The following CSMD3 variants were observed in gnomAD, a reference collection of about 807,000 sequenced individuals.
CSMD3 encodes CUB and sushi domain-containing protein 3.
A neutral mutation model predicts 435.2 loss-of-function variants in CSMD3; 177 were observed. The observed-to-expected ratio is 0.41, with a 90% confidence interval of 0.36 to 0.46. CSMD3 has a LOEUF of 0.46. CSMD3 is among the 20% of genes least tolerant of loss of function. CSMD3 has a pLI of 0.34. For missense variants in CSMD3, 4,265 were observed against 4,504.6 expected (o/e 0.95, Z 1.52); for synonymous variants, 1,656 against 1,520.5 (o/e 1.09, Z -2.07).
chr8:112,798,975 A>G lies in CSMD3; in HGVS notation c.1972+1187T>C, dbSNP rs533599311. Among the ~76,000 whole-genome samples, 11 of 151,988 alleles carry G rather than the reference A, an allele frequency of 7.2e-5. No homozygotes were observed. The South Asian group carries it at 2.1e-3, about 29-fold the overall frequency. On this transcript the variant is annotated intron_variant, in intron 13 of 70. Coordinates refer to ENST00000297405, the MANE Select transcript of CSMD3 (RefSeq NM_198123.2). ...ATTTCCAAGTAACAAATGTGCACACAGACCCCCTGCATGTAAAATACAAGT... is the reference window on the plus strand; with the variant it reads ...ATTTCCAAGTAACAAATGTGCACACGGACCCCCTGCATGTAAAATACAAGT...
At chr8:112,625,095 C>T (rs750288669) in intron 22 of CSMD3, among the ~76,000 whole-genome samples, 2 of 151,870 alleles carry the variant, frequency 1.3e-5, no homozygotes, top group African/African-American at 4.8e-5. Flanking sequence ...TGAAATTTTA[C>T]CTGAGAAACA....
chr8:112,893,055 T>A (rs1173065500), intron 10 of CSMD3, among the ~76,000 whole-genome samples: 1 of 151,106 alleles, frequency 6.6e-6, no homozygotes, highest in African/African-American at 2.4e-5. Context: ...CTGCTGCTGC[T>A]ACTACTACTA....
intron 40 of CSMD3, among the ~76,000 whole-genome samples, chr8:112,349,502 T>C (rs1298919494): frequency 6.6e-6 from 1 of 152,126 alleles, no homozygotes; most frequent in African/African-American, 2.4e-5. Context: ...TGTGCTTTCA[T>C]ATTAGCAGAA....
intron 42 of CSMD3, among the ~76,000 whole-genome samples, chr8:112,341,127 T>C (rs147786933): frequency 1.4e-3 from 211 of 152,230 alleles, no homozygotes; most frequent in Admixed American, 3.5e-3. Context: ...ATACAAAATA[T>C]CTTTTCAATA....
chr8:112,657,061 CTTTTT>C (rs11387284), intron 17 of CSMD3, among the ~76,000 whole-genome samples: 1 of 131,630 alleles, frequency 7.6e-6, no homozygotes. Flanking sequence ...TTTCTTTTTA[CTTTTT>C]TTTTTTTTTT....
intron 23 of CSMD3, among the ~76,000 whole-genome samples, chr8:112,575,877 GTAAA>G (rs1488755206): frequency 6.6e-6 from 1 of 151,958 alleles, no homozygotes; most frequent in African/African-American, 2.4e-5. Flanking sequence ...ATATTACATA[GTAAA>G]TAAATTCTTT....
intron 4 of CSMD3, among the ~76,000 whole-genome samples, chr8:113,160,781 G>A (rs774925379): frequency 7.2e-5 from 11 of 151,988 alleles, no homozygotes; most frequent in Non-Finnish European, 1.6e-4. Context: ...TAATAAATCC[G>A]TCTTCCATGA....
intron 3 of CSMD3, among the ~76,000 whole-genome samples, chr8:113,238,197 A>G (rs1202146759): frequency 6.6e-6 from 1 of 152,142 alleles, no homozygotes; most frequent in Non-Finnish European, 1.5e-5. Context: ...GGTAAGAATG[A>G]AAAGCTACAT....
intron 31 of CSMD3, among the ~76,000 whole-genome samples, chr8:112,479,374 A>T (rs552336302): frequency 6.6e-6 from 1 of 152,248 alleles, no homozygotes; most frequent in South Asian, 2.1e-4. Flanking sequence ...GTGGGATACA[A>T]GCAGGCTTGT....
At chr8:112,829,134 A>C (rs2079787988) in intron 12 of CSMD3, among the ~76,000 whole-genome samples, 1 of 152,206 alleles carries the variant, frequency 6.6e-6, no homozygotes, top group East Asian at 1.9e-4. Context: ...CTATGCTGAT[A>C]CTAATTTTTT....
At chr8:112,383,048 T>C (rs886488387) in intron 37 of CSMD3, among the ~76,000 whole-genome samples, 1 of 152,148 alleles carries the variant, frequency 6.6e-6, no homozygotes, top group African/African-American at 2.4e-5. Flanking sequence ...ACATCTTACA[T>C]AAAAATATAA....
chr8:112,859,948 G>A (rs964975160), intron 10 of CSMD3, among the ~76,000 whole-genome samples: 9 of 151,602 alleles, frequency 5.9e-5, no homozygotes, highest in Non-Finnish European at 7.4e-5. Context: ...TCTTTGCCCC[G>A]TTCTATCAAA....
chr8:112,952,635 T>C (rs1457856650), intron 8 of CSMD3, among the ~76,000 whole-genome samples: 1 of 151,530 alleles, frequency 6.6e-6, no homozygotes, highest in Non-Finnish European at 1.5e-5. Context: ...TTTAAAATAA[T>C]GTTGGCTTGC....
intron 44 of CSMD3, among the ~76,000 whole-genome samples, chr8:112,336,182 T>C (rs1410021653): frequency 6.6e-6 from 1 of 152,182 alleles, no homozygotes; most frequent in Non-Finnish European, 1.5e-5. Context: ...AGTGCTGGGA[T>C]TGCAGATGTT....
intron 30 of CSMD3, among the ~76,000 whole-genome samples, chr8:112,499,920 T>C (rs1204870758): frequency 1.3e-5 from 2 of 151,722 alleles, no homozygotes; most frequent in Non-Finnish European, 2.9e-5. Context: ...ACCAGCCTGG[T>C]CAACATGGTG....
intron 12 of CSMD3, among the ~76,000 whole-genome samples, chr8:112,808,064 CTGTT>C (rs1474520308): frequency 6.6e-6 from 1 of 152,048 alleles, no homozygotes; most frequent in Non-Finnish European, 1.5e-5. Context: ...AAGAGATGAG[CTGTT>C]TGTCAGAAGA....
chr8:113,408,355 C>G (rs2094542435), intron 1 of CSMD3, among the ~76,000 whole-genome samples: 2 of 152,044 alleles, frequency 1.3e-5, no homozygotes, highest in Non-Finnish European at 2.9e-5. Flanking sequence ...CATGGTAAGA[C>G]TTTTTTCATG....
chr8:113,203,198 G>A (rs2092732432), intron 3 of CSMD3, among the ~76,000 whole-genome samples: 1 of 152,014 alleles, frequency 6.6e-6, no homozygotes, highest in Non-Finnish European at 1.5e-5. Flanking sequence ...TGATCACTAT[G>A]AATTATATGT....
At position 112,410,511 on chromosome 8, in the gene CSMD3, T is replaced by TAC. The variant is rs1456627658; in HGVS notation, c.5396-1480_5396-1479insGT. ...AATACTCCAAATATATATATATATATATATATATGTATATTTGTTTTCTAA... is the reference window on the plus strand; with the variant it reads ...AATACTCCAAATATATATATATATATACATATATATGTATATTTGTTTTCTAA... On this transcript the variant is annotated intron_variant, in intron 32 of 70. Coordinates refer to ENST00000297405, the MANE Select transcript of CSMD3 (RefSeq NM_198123.2). Among the ~76,000 whole-genome samples the TAC allele has an allele frequency of 9.8e-4, 140 of 142,146 alleles. 1 individual carries two copies. Among genetic ancestry groups the TAC allele is most frequent in the African/African-American group, 3.5e-3 (139 of 39,332 alleles). 93.3% of individuals were successfully genotyped at this position (142,146 alleles called of 152,430 possible).
Sources: gnomAD v4.1 joint callset for allele counts (sites outside exome capture counted in the v4.1 genomes callset) on GRCh38, gnomAD v4.1.1 for gene constraint, MANE v1.5 for transcripts, NCBI Gene and HGNC (gene_info 2026-07-23, HGNC 2026-07-21) for gene names.